The following GNG2 variants were observed in gnomAD, a reference collection of about 807,000 sequenced individuals.
GNG2 encodes the protein G protein subunit gamma 2.
In GNG2, 5 loss-of-function variants were observed where a neutral mutation model predicts 5.5. That is an observed-to-expected ratio of 0.91 (90% CI 0.48 to 1.92). GNG2 has a LOEUF of 1.92. Among genes scored for constraint, GNG2 ranks in the 30% most tolerant of loss-of-function variants. GNG2 has a pLI of 0.01. For synonymous variants in GNG2, 28 were observed against 32.0 expected, an observed-to-expected ratio of 0.88 and a Z score of 0.42; for missense variants, 55 against 88.4, an observed-to-expected ratio of 0.62 and a Z score of 1.52.
intron 2 of GNG2, among the ~76,000 whole-genome samples, chr14:51,894,426 G>A (rs1349603545): frequency 2.6e-5 from 4 of 152,092 alleles, no homozygotes; most frequent in African/African-American, 9.7e-5. Flanking sequence ...AGGGACAGAT[G>A]TCATAAGCTT....
chr14:51,863,426 T>C (rs1194378708), intron 1 of GNG2, among the ~76,000 whole-genome samples: 1 of 152,216 alleles, frequency 6.6e-6, no homozygotes, highest in East Asian at 1.9e-4. Flanking sequence ...GGTACTGAAA[T>C]GTTATTTTTT....
chr14:51,847,545 G>T (rs1449875579), intron 2 of GNG2, among the ~76,000 whole-genome samples: 1 of 150,920 alleles, frequency 6.6e-6, no homozygotes, highest in African/African-American at 2.4e-5. Flanking sequence ...GGAGCTGAAG[G>T]TAGTCACATT....
At chr14:51,856,371 T>C (rs1009019242), upstream of GNG2, among the ~76,000 whole-genome samples, 5 of 152,194 alleles carry the variant, frequency 3.3e-5, no homozygotes, top group African/African-American at 1.2e-4. Context: ...TATTCATCAG[T>C]CTCTTTAAAG....
intron 2 of GNG2, chr14:51,940,090 G>A (rs990802095): frequency 6.6e-6 from 1 of 152,282 alleles, no homozygotes; most frequent in Non-Finnish European, 1.5e-5. Flanking sequence ...CTTCGTATTA[G>A]TGTGAGTTCC....
intron 2 of GNG2, among the ~76,000 whole-genome samples, chr14:51,888,709 G>A (rs1884631241): frequency 6.6e-6 from 1 of 152,136 alleles, no homozygotes. Context: ...CAAGAATTGG[G>A]TATAAATGCA....
chr14:51,950,843 G>A lies in GNG2; in HGVS notation c.87+78G>A, dbSNP rs571147624. 29 of 766,920 alleles carry A rather than the reference G, an allele frequency of 3.8e-5. No homozygotes were observed. The East Asian group carries it at 5.6e-4, about 15-fold the overall frequency. 47.5% of individuals were successfully genotyped at this position (766,920 alleles called of 1,614,324 possible). A position where few individuals can be genotyped will look rare whatever the true frequency, so the allele number is the denominator to read the frequency against. On this transcript the variant is annotated intron_variant, in intron 3 of 3. Coordinates refer to ENST00000556766, the MANE Select transcript of GNG2 (RefSeq NM_053064.5). ...CATGTGACCACTCTTTCCTAGAGAG[G>A]GATAAAACCAGTAATGACAGGAGAG... is the stretch of plus-strand genomic sequence containing the variant.
intron 2 of GNG2, among the ~76,000 whole-genome samples, chr14:51,839,448 C>T (rs745332001): frequency 2.2e-4 from 33 of 152,188 alleles, no homozygotes; most frequent in Non-Finnish European, 2.1e-4. Flanking sequence ...AGGGAGGTAT[C>T]TACCTTTTTT....
At chr14:51,949,806 T>C (rs60125576) in intron 2 of GNG2, among the ~76,000 whole-genome samples, 7,714 of 152,050 alleles carry the variant, frequency 0.051, 449 homozygotes, top group East Asian at 0.14. Flanking sequence ...AGATGAACAA[T>C]AATAATAAAG....
At chr14:51,942,591 T>TTCTTTCTTTCTTG (rs1382716613) in intron 2 of GNG2, among the ~76,000 whole-genome samples, 1 of 132,526 alleles carries the variant, frequency 7.5e-6, no homozygotes, top group South Asian at 2.5e-4. Context: ...CTTTCTTTCT[T>TTCTTTCTTTCTTG]TTTTTTTTTT....
intron 2 of GNG2, among the ~76,000 whole-genome samples, chr14:51,835,682 A>G (rs1479818778): frequency 2.6e-5 from 4 of 152,204 alleles, no homozygotes; most frequent in African/African-American, 2.4e-5. Flanking sequence ...CAACTTCTCA[A>G]TAAAGAAAAG....
chr14:51,957,154 T>C (rs1889322183), intron 3 of GNG2, among the ~76,000 whole-genome samples: 2 of 129,932 alleles, frequency 1.5e-5, no homozygotes, highest in African/African-American at 5.5e-5. Context: ...ACTTGTGCAG[T>C]AGATCCCACC....
chr14:51,913,710 A>G (rs1490694513), intron 2 of GNG2, among the ~76,000 whole-genome samples: 3 of 152,172 alleles, frequency 2.0e-5, no homozygotes, highest in Non-Finnish European at 4.4e-5. Flanking sequence ...TGTGCTCTAG[A>G]TAAAGGAATA....
chr14:51,867,900 A>AT (rs961615942), intron 1 of GNG2, among the ~76,000 whole-genome samples: 1,575 of 149,216 alleles, frequency 0.011, 26 homozygotes, highest in African/African-American at 0.035. Flanking sequence ...AATCTGCATA[A>AT]TTTTTTTTTT....
At chr14:51,851,430 T>C (rs1354798285) in intron 2 of GNG2, among the ~76,000 whole-genome samples, 1 of 152,210 alleles carries the variant, frequency 6.6e-6, no homozygotes, top group Non-Finnish European at 1.5e-5. Flanking sequence ...CATACTAACC[T>C]CATCATTTAC....
rs1491234631 is a variant in GNG2 at position 51,968,367 on chromosome 14, T to TTTTA, written c.*1680_*1681insTTTA. ...TATTCGCTTTCTCCTGTTTTTTTTT[T>TTTTA]AAAAAAAAAGCATGAAAAAGGAAGA... On this transcript the variant is annotated 3_prime_UTR_variant, in exon 4 of 4. Transcript: ENST00000556766. 5 of 150,974 alleles carry TTTTA rather than the reference T, an allele frequency of 3.3e-5. No individual in the cohort carries two copies. Among genetic ancestry groups the TTTTA allele is most frequent in the African/African-American group, 1.2e-4 (5 of 40,736 alleles). The allele number at this position is 150,974 out of a possible 1,614,324, so 9.4% of individuals were successfully genotyped here.
intron 1 of GNG2, among the ~76,000 whole-genome samples, chr14:51,865,005 G>A (rs918939786): frequency 7.2e-5 from 11 of 152,120 alleles, no homozygotes; most frequent in Non-Finnish European, 1.2e-4. Context: ...GGTATGGTGA[G>A]GCTGAGGAGA....
At chr14:51,941,771 T>C (rs1888329500) in intron 2 of GNG2, among the ~76,000 whole-genome samples, 1 of 152,152 alleles carries the variant, frequency 6.6e-6, no homozygotes, top group Non-Finnish European at 1.5e-5. Context: ...GAATGTGTTT[T>C]TAGAAAATGA....
chr14:51,880,387 T>C (rs989655460), intron 2 of GNG2, among the ~76,000 whole-genome samples: 1 of 152,224 alleles, frequency 6.6e-6, no homozygotes, highest in Non-Finnish European at 1.5e-5. Flanking sequence ...AGAACCTCAC[T>C]AGAGTGGTAT....
At chr14:51,901,997 A>G (rs1234849671) in intron 2 of GNG2, among the ~76,000 whole-genome samples, 3 of 146,876 alleles carry the variant, frequency 2.0e-5, no homozygotes, top group Admixed American at 6.8e-5. Flanking sequence ...AAAAAAGACC[A>G]ATGATTTGGA....
Sources: gnomAD v4.1 joint callset for allele counts (sites outside exome capture counted in the v4.1 genomes callset) on GRCh38, gnomAD v4.1.1 for gene constraint, MANE v1.5 for transcripts, NCBI Gene and HGNC (gene_info 2026-07-23, HGNC 2026-07-21) for gene names.